WWOX: variants seen among roughly 807,000 people sequenced by gnomAD.
The protein encoded by WWOX is WW domain containing oxidoreductase, also known as WW domain-containing oxidoreductase.
WWOX carries 69 observed loss-of-function variants against 46.2 expected under a neutral mutation model. That is an observed-to-expected ratio of 1.49 (90% confidence interval 1.23 to 1.82). WWOX has a LOEUF of 1.82. Among genes scored for constraint, WWOX ranks in the 40% most tolerant of loss-of-function variants. The probability of loss-of-function intolerance (pLI) is 0.00; values close to 1 mark genes in which losing one functional copy is unlikely to be tolerated. For synonymous variants in WWOX, 359 were observed against 202.6 expected (o/e 1.77, Z -6.56); for missense variants, 919 against 542.6 (o/e 1.69, Z -6.89).
chr16:79,154,090 A>G (rs946882263), intron 8 of WWOX, among the ~76,000 whole-genome samples: 3 of 152,238 alleles, frequency 2.0e-5, no homozygotes, highest in Admixed American at 2.0e-4. Flanking sequence ...GAGTGGATGC[A>G]TCATGGATAG....
chr16:79,143,272 G>T (rs1450397815), intron 8 of WWOX, among the ~76,000 whole-genome samples: 1 of 152,152 alleles, frequency 6.6e-6, no homozygotes, highest in Non-Finnish European at 1.5e-5. Context: ...TTTTTGGGAA[G>T]TTCCCAAATC....
At position 78,386,837 on chromosome 16, in the gene WWOX, CTTTT is replaced by C; in HGVS notation, c.517-21_517-18del. 1 of 1,601,310 alleles carries C rather than the reference CTTTT, an allele frequency of 6.2e-7. No homozygotes were observed. Among genetic ancestry groups the C allele is most frequent in the South Asian group, 1.1e-5 (1 of 90,928 alleles). ...CTACACTTGCTGTTATTTATCATTT[CTTTT>C]TATTTTCTCTCATTGCAGCATAAAG... On this transcript the variant is annotated intron_variant, in intron 5 of 8. Coordinates refer to ENST00000566780, the MANE Select transcript of WWOX (RefSeq NM_016373.4).
At chr16:78,804,921 C>G (rs1241768385) in intron 8 of WWOX, among the ~76,000 whole-genome samples, 1 of 152,212 alleles carries the variant, frequency 6.6e-6, no homozygotes, top group African/African-American at 2.4e-5. Flanking sequence ...TCCAAACTAA[C>G]AATTCCTGAA....
At chr16:78,867,527 GT>G (rs879569755) in intron 8 of WWOX, among the ~76,000 whole-genome samples, 7 of 150,052 alleles carry the variant, frequency 4.7e-5, no homozygotes, top group Non-Finnish European at 7.4e-5. Flanking sequence ...TGTGTGTTTT[GT>G]TTTTTTGTGT....
At chr16:78,163,420 C>T (rs1419421941) in intron 4 of WWOX, among the ~76,000 whole-genome samples, 1 of 152,178 alleles carries the variant, frequency 6.6e-6, no homozygotes, top group Non-Finnish European at 1.5e-5. Context: ...GTGGCCCTTT[C>T]CTGGTGGGTC....
rs1567499186 is a variant in WWOX, at chr16:78,321,346, ATACGTATATATG to A, written c.517-65513_517-65502del. Among the ~76,000 whole-genome samples, 13 of 54,688 alleles carry A rather than the reference ATACGTATATATG, an allele frequency of 2.4e-4. 1 individual carries two copies. The highest frequency in any genetic ancestry group is 7.9e-4 in the Admixed American group (4 of 5,040). The allele number at this position is 54,688 out of a possible 152,430, so 35.9% of individuals were successfully genotyped here. ...TATATACGTATATATGCGTATATAT[ATACGTATATATG>A]CGTATATATATACGTATATATGCGT... is the stretch of plus-strand genomic sequence containing the variant. On this transcript the variant is annotated intron_variant, in intron 5 of 8. Coordinates refer to ENST00000566780, the MANE Select transcript of WWOX (RefSeq NM_016373.4).
chr16:78,487,538 A>C lies in WWOX; in HGVS notation c.1056+54786A>C, dbSNP rs556171366. Among the ~76,000 whole-genome samples the C allele has an allele frequency of 3.3e-5, 5 of 152,206 alleles. No individual in the cohort carries two copies. In the South Asian group the frequency reaches 1.0e-3, roughly 32 times the overall value. ...CTCCCCTGTTATGTATTTGGGACTT[A>C]CTGCAGATGCTTCCTCTGGTTCAGG... On this transcript the variant is annotated intron_variant, in intron 8 of 8. Transcript: ENST00000566780.
intron 8 of WWOX, among the ~76,000 whole-genome samples, chr16:79,112,899 C>G (rs1036131171): frequency 6.6e-6 from 1 of 152,238 alleles, no homozygotes; most frequent in Admixed American, 6.5e-5. Flanking sequence ...AGTCTAGCCT[C>G]TGTGCAGCGC....
chr16:79,052,477 G>A lies in WWOX; in HGVS notation c.1057-159131G>A, dbSNP rs545977407. ...AAATCTTTCTGCTATAAAGACACATGCACACATATGTTTATTGCGGCATTA... is the reference window on the plus strand; with the variant it reads ...AAATCTTTCTGCTATAAAGACACATACACACATATGTTTATTGCGGCATTA... On this transcript the variant is annotated intron_variant, in intron 8 of 8. Coordinates refer to ENST00000566780, the MANE Select transcript of WWOX (RefSeq NM_016373.4). Among the ~76,000 whole-genome samples the A allele has an allele frequency of 2.0e-5, 3 of 152,306 alleles. No homozygotes were observed. In the South Asian group the frequency reaches 6.2e-4, roughly 32 times the overall value.
intron 8 of WWOX, among the ~76,000 whole-genome samples, chr16:79,102,428 C>G (rs2049220032): frequency 6.6e-6 from 1 of 152,040 alleles, no homozygotes; most frequent in African/African-American, 2.4e-5. Context: ...CTGGTGTGTG[C>G]TAATACACTG....
intron 8 of WWOX, among the ~76,000 whole-genome samples, chr16:78,443,455 T>A (rs576565868): frequency 1.3e-5 from 2 of 152,254 alleles, no homozygotes; most frequent in East Asian, 3.9e-4. Flanking sequence ...GAACACACCT[T>A]AGCTTGGAGG....
chr16:78,770,670 C>T (rs1439419801), intron 8 of WWOX, among the ~76,000 whole-genome samples: 2 of 151,552 alleles, frequency 1.3e-5, no homozygotes, highest in African/African-American at 4.8e-5. Flanking sequence ...CTCCCCCCCT[C>T]CCCGAAGTGA....
At chr16:79,029,010 C>G (rs1241144468) in intron 8 of WWOX, among the ~76,000 whole-genome samples, 2 of 149,592 alleles carry the variant, frequency 1.3e-5, no homozygotes, top group African/African-American at 2.6e-5. Context: ...AAAATAAGCA[C>G]AATACAAATT....
chr16:78,396,422 C>G (rs112367314), intron 6 of WWOX, among the ~76,000 whole-genome samples: 69 of 152,208 alleles, frequency 4.5e-4, no homozygotes, highest in African/African-American at 1.6e-3. Context: ...TTTTGATTTC[C>G]CAACAGAATC....
At chr16:78,953,650 T>C (rs969045098) in intron 8 of WWOX, among the ~76,000 whole-genome samples, 2 of 152,162 alleles carry the variant, frequency 1.3e-5, no homozygotes, top group Non-Finnish European at 2.9e-5. Flanking sequence ...AAACCTCTTA[T>C]TGAGGTCCAC....
At chr16:78,886,566 A>G (rs1437794059) in intron 8 of WWOX, among the ~76,000 whole-genome samples, 1 of 151,258 alleles carries the variant, frequency 6.6e-6, no homozygotes, top group Non-Finnish European at 1.5e-5. Flanking sequence ...AACTGTTTTA[A>G]GACACTTGGT....
chr16:79,168,483 A>G (rs978280642), intron 8 of WWOX, among the ~76,000 whole-genome samples: 3 of 152,176 alleles, frequency 2.0e-5, no homozygotes, highest in Non-Finnish European at 4.4e-5. Context: ...TGCATGTGCA[A>G]CTGAAATATC....
At chr16:78,446,926 G>T (rs2083573692) in intron 8 of WWOX, among the ~76,000 whole-genome samples, 1 of 152,092 alleles carries the variant, frequency 6.6e-6, no homozygotes, top group Non-Finnish European at 1.5e-5. Flanking sequence ...CTCCCAAAGT[G>T]CTGGGATGAC....
At chr16:78,621,597 T>C (rs941390833) in intron 8 of WWOX, among the ~76,000 whole-genome samples, 15 of 70,950 alleles carry the variant, frequency 2.1e-4, no homozygotes, top group South Asian at 5.0e-4. Flanking sequence ...CTAATCTTTT[T>C]TTTTTTTTTT....
Sources: gnomAD v4.1 joint callset for allele counts (sites outside exome capture counted in the v4.1 genomes callset) on GRCh38, gnomAD v4.1.1 for gene constraint, MANE v1.5 for transcripts, NCBI Gene and HGNC (gene_info 2026-07-23, HGNC 2026-07-21) for gene names.